Variants in COQ9 observed in about 807,000 individuals in gnomAD.
COQ9 encodes the protein coenzyme Q9.
Under a neutral mutation model 42.4 loss-of-function variants are expected in COQ9, and 35 were observed. That is an observed-to-expected ratio of 0.83 (90% CI 0.63 to 1.10). COQ9 has a LOEUF of 1.10. COQ9 is among the 50% of genes least tolerant of loss of function. The pLI is 0.00. For synonymous variants in COQ9, 155 were observed against 155.1 expected (o/e 1.00, Z 0.00); for missense variants, 406 against 414.6 (o/e 0.98, Z 0.18).
intron 1 of COQ9, among the ~76,000 whole-genome samples, chr16:57,449,386 C>A (rs532125871): frequency 5.9e-5 from 9 of 152,058 alleles, no homozygotes; most frequent in Non-Finnish European, 1.3e-4. Flanking sequence ...AGGTTGAGGC[C>A]TAGATAAGAA....
intron 3 of COQ9, chr16:57,454,125 A>G (rs1158267207): frequency 1.3e-5 from 2 of 152,156 alleles, no homozygotes; most frequent in Admixed American, 6.5e-5. Flanking sequence ...TTTTTCCCTC[A>G]ATAGGGTGGA....
At chr16:57,455,356 C>CATATATAT (rs72051263) in intron 3 of COQ9, among the ~76,000 whole-genome samples, 44 of 143,334 alleles carry the variant, frequency 3.1e-4, no homozygotes, top group South Asian at 1.3e-3. Context: ...CACATTTGGG[C>CATATATAT]ATATATATAT....
At chr16:57,450,697 C>A in intron 1 of COQ9, 1 of 359,432 alleles carries the variant, frequency 2.8e-6, no homozygotes, top group Non-Finnish European at 5.3e-6. Context: ...TTGTTTGGGC[C>A]ACACAGTGCT....
chr16:57,454,865 T>G (rs1225775394), intron 3 of COQ9, among the ~76,000 whole-genome samples: 1 of 150,808 alleles, frequency 6.6e-6, no homozygotes, highest in African/African-American at 2.4e-5. Flanking sequence ...GAAGAGAGAT[T>G]TGAGATGAGC....
At chr16:57,447,815 C>G in intron 1 of COQ9, 1 of 381,674 alleles carries the variant, frequency 2.6e-6, no homozygotes, top group Non-Finnish European at 4.6e-6. Context: ...ATGGAGTTGG[C>G]AGAGCCTCAG....
rs929990079 is a variant in COQ9, at chr16:57,447,540, G to A, written c.35G>A (p.Arg12Gln). The change falls in exon 1 of 9, where the codon CGG becomes CAG. Residue 12 changes from arginine (R) to glutamine (Q), a missense_variant. By Grantham distance (43) the Arg-to-Gln change is conservative. Transcript: ENST00000262507. ...AAAAVSGALGRAGWRLLQLRC... is the reference protein window; with the variant it reads ...AAAAVSGALGQAGWRLLQLRC... ...GCGGCGGTATCTGGTGCGCTTGGCC[G>A]GGCGGGCTGGAGGCTCCTGCAGCTG... 3 of 1,309,736 alleles carry A rather than the reference G, an allele frequency of 2.3e-6. No homozygotes were observed. The South Asian group carries it at 7.4e-5, about 32-fold the overall frequency. 81.1% of individuals were successfully genotyped at this position (1,309,736 alleles called of 1,614,324 possible). A position where few individuals can be genotyped will look rare whatever the true frequency, so the allele number is the denominator to read the frequency against.
intron 3 of COQ9, among the ~76,000 whole-genome samples, chr16:57,455,890 C>T (rs765016303): frequency 6.6e-6 from 1 of 151,880 alleles, no homozygotes; most frequent in Non-Finnish European, 1.5e-5. Context: ...CCAACCTGGG[C>T]AATATGGCGA....
chr16:57,460,560 T>TA lies in COQ9; in HGVS notation c.922-28dup, dbSNP rs746081224. 5.0e-6 allele frequency: 8 copies of TA among 1,612,162 alleles called. No individual in the cohort carries two copies. In the South Asian group the frequency reaches 6.6e-5, roughly 13 times the overall value. On this transcript the variant is annotated intron_variant, in intron 8 of 8. Transcript: ENST00000262507. ...GTCTAGAGGCAAGGTAAGCCCTCAC[T>TA]ATTCTCTTTATTTCCATTCCCGTGT...
At chr16:57,455,978 C>T (rs752466803) in intron 3 of COQ9, among the ~76,000 whole-genome samples, 47 of 151,826 alleles carry the variant, frequency 3.1e-4, no homozygotes, top group Non-Finnish European at 4.3e-4. Context: ...TAAGATGGGA[C>T]GATTGCTTGA....
In COQ9 at chr16:57,458,238, C is replaced by T; in HGVS notation, c.607-8C>T. 1 of 1,599,908 alleles carries T rather than the reference C, an allele frequency of 6.3e-7. No individual in the cohort carries two copies. The highest frequency in any genetic ancestry group is 8.5e-7 in the Non-Finnish European group (1 of 1,171,736). On this transcript the variant is annotated splice_region_variant and splice_polypyrimidine_tract_variant and intron_variant, in intron 5 of 8. Coordinates refer to ENST00000262507, the MANE Select transcript of COQ9 (RefSeq NM_020312.4). ...GCAGAGCTTACTCCTCTGCCATTCT[C>T]TCTCCAGGCCCTCAGCATCCTCATG...
intron 3 of COQ9, among the ~76,000 whole-genome samples, chr16:57,456,170 G>T (rs1170860662): frequency 1.6e-4 from 25 of 152,208 alleles, no homozygotes. Context: ...CTGGACAACA[G>T]TTGGAAGGAC....
chr16:57,460,341 A>G (rs2030507024), intron 8 of COQ9, among the ~76,000 whole-genome samples: 1 of 152,172 alleles, frequency 6.6e-6, no homozygotes, highest in African/African-American at 2.4e-5. Flanking sequence ...TCTCTGTATC[A>G]TAGCCACACC....
chr16:57,450,502 C>T (rs2030260657), intron 1 of COQ9, among the ~76,000 whole-genome samples: 1 of 151,642 alleles, frequency 6.6e-6, no homozygotes, highest in South Asian at 2.1e-4. Flanking sequence ...ACATACTTCT[C>T]ATCTTTCTTA....
intron 1 of COQ9, among the ~76,000 whole-genome samples, chr16:57,449,518 C>T (rs2146584675): frequency 1.3e-5 from 2 of 152,138 alleles, no homozygotes; most frequent in East Asian, 3.9e-4. Context: ...TGTGGTGGCT[C>T]ACACCTGTAA....
intron 1 of COQ9, among the ~76,000 whole-genome samples, chr16:57,448,920 A>C (rs1213944421): frequency 6.6e-6 from 1 of 152,228 alleles, no homozygotes; most frequent in African/African-American, 2.4e-5. Flanking sequence ...ATGGAATACT[A>C]TTCTGCAATA....
intron 1 of COQ9, among the ~76,000 whole-genome samples, chr16:57,449,079 C>T (rs1459550022): frequency 6.6e-6 from 1 of 151,816 alleles, no homozygotes; most frequent in Non-Finnish European, 1.5e-5. Flanking sequence ...CTGGGTGTTT[C>T]AAAGAAAAAA....
At position 57,460,734 on chromosome 16, in the gene COQ9, C is replaced by T; in HGVS notation, c.*110C>T. ...ATAACCTGGTGTTCACGAGAACACACTAAAGGACTCCTGAGTCACTACCAC... is the reference window on the plus strand; with the variant it reads ...ATAACCTGGTGTTCACGAGAACACATTAAAGGACTCCTGAGTCACTACCAC... On this transcript the variant is annotated 3_prime_UTR_variant, in exon 9 of 9. Coordinates refer to ENST00000262507, the MANE Select transcript of COQ9 (RefSeq NM_020312.4). 5 of 1,009,046 alleles carry T rather than the reference C, an allele frequency of 5.0e-6. No homozygotes were observed. The highest frequency in any genetic ancestry group is 7.7e-6 in the Non-Finnish European group (5 of 647,848). 62.5% of individuals were successfully genotyped at this position (1,009,046 alleles called of 1,614,324 possible).
At chr16:57,450,818 A>G in intron 1 of COQ9, 1 of 600,490 alleles carries the variant, frequency 1.7e-6, no homozygotes. Context: ...AAACAGGTCA[A>G]GATGCTAGGT....
chr16:57,460,323 A>T (rs1460768920), intron 8 of COQ9, among the ~76,000 whole-genome samples: 1 of 152,100 alleles, frequency 6.6e-6, no homozygotes, highest in Non-Finnish European at 1.5e-5. Flanking sequence ...GGACCCTGGT[A>T]TATCAAGTCT....
Sources: gnomAD v4.1 joint callset for allele counts (sites outside exome capture counted in the v4.1 genomes callset) on GRCh38, gnomAD v4.1.1 for gene constraint, MANE v1.5 for transcripts, NCBI Gene and HGNC (gene_info 2026-07-23, HGNC 2026-07-21) for gene names.